ZCWPW2: variants seen among roughly 807,000 people sequenced by gnomAD.
ZCWPW2 encodes zinc finger CW-type PWWP domain protein 2.
ZCWPW2 carries 45 observed loss-of-function variants against 46.6 expected under a neutral mutation model. That is an observed-to-expected ratio of 0.96 (90% CI 0.76 to 1.24). The LOEUF is 1.24. ZCWPW2 is among the 50% of genes most tolerant of loss of function. The pLI is 0.00. For synonymous variants in ZCWPW2, 152 were observed against 137.1 expected (o/e 1.11, Z -0.76); for missense variants, 429 against 403.9 (o/e 1.06, Z -0.53).
intron 4 of ZCWPW2, among the ~76,000 whole-genome samples, chr3:28,457,776 G>GT (rs1435680874): frequency 1.3e-5 from 2 of 152,056 alleles, no homozygotes; most frequent in Non-Finnish European, 2.9e-5. Flanking sequence ...ATGAATTTCA[G>GT]TTTTGTTAAA....
intron 2 of ZCWPW2, among the ~76,000 whole-genome samples, chr3:28,395,536 G>T (rs1220159855): frequency 1.3e-5 from 2 of 152,110 alleles, no homozygotes; most frequent in African/African-American, 2.4e-5. Context: ...AATGGATAAA[G>T]AAAATGTGGC....
intron 4 of ZCWPW2, among the ~76,000 whole-genome samples, chr3:28,469,868 C>A (rs1301505606): frequency 6.6e-6 from 1 of 152,114 alleles, no homozygotes; most frequent in Non-Finnish European, 1.5e-5. Context: ...TTGGATAGAT[C>A]TTCCAGACAG....
intron 1 of ZCWPW2, among the ~76,000 whole-genome samples, chr3:28,368,311 T>A (rs1346017780): frequency 1.3e-5 from 2 of 152,126 alleles, no homozygotes; most frequent in African/African-American, 4.8e-5. Context: ...GTTTAGTGCT[T>A]CCTTCAGGAG....
chr3:28,424,068 C>G (rs565403735), intron 3 of ZCWPW2, among the ~76,000 whole-genome samples: 2 of 152,192 alleles, frequency 1.3e-5, no homozygotes, highest in South Asian at 4.1e-4. Flanking sequence ...TTGCTGCTAT[C>G]TTTCCAGAAT....
At chr3:28,501,929 T>A (rs1445757247) in intron 6 of ZCWPW2, among the ~76,000 whole-genome samples, 1 of 151,928 alleles carries the variant, frequency 6.6e-6, no homozygotes, top group African/African-American at 2.4e-5. Context: ...TTGTATTTTT[T>A]TTGTAGAGAC....
At chr3:28,367,087 A>C (rs998293907) in intron 1 of ZCWPW2, among the ~76,000 whole-genome samples, 1 of 152,004 alleles carries the variant, frequency 6.6e-6, no homozygotes, top group Admixed American at 6.6e-5. Flanking sequence ...GATCTTTTTA[A>C]AAGACCAGCT....
chr3:28,386,672 T>C (rs1315159011), intron 1 of ZCWPW2, among the ~76,000 whole-genome samples: 4 of 152,192 alleles, frequency 2.6e-5, no homozygotes, highest in South Asian at 2.1e-4. Context: ...CTTTTAAAAA[T>C]AAATAGCCTT....
intron 1 of ZCWPW2, among the ~76,000 whole-genome samples, chr3:28,389,760 C>T (rs1417219202): frequency 6.6e-6 from 1 of 152,156 alleles, no homozygotes; most frequent in East Asian, 1.9e-4. Flanking sequence ...ATTGTGGATA[C>T]TTGGCAAGTC....
At chr3:28,404,346 A>G (rs1696072445) in intron 2 of ZCWPW2, among the ~76,000 whole-genome samples, 1 of 152,178 alleles carries the variant, frequency 6.6e-6, no homozygotes, top group Non-Finnish European at 1.5e-5. Flanking sequence ...TTACTCTGCA[A>G]GAATGGCCAT....
chr3:28,457,552 C>T (rs534735079), intron 4 of ZCWPW2, among the ~76,000 whole-genome samples: 2 of 152,310 alleles, frequency 1.3e-5, no homozygotes, highest in African/African-American at 2.4e-5. Context: ...TAAACCTGTA[C>T]ACTTCTTGCA....
At chr3:28,404,071 G>A (rs889496483) in intron 2 of ZCWPW2, among the ~76,000 whole-genome samples, 4 of 151,910 alleles carry the variant, frequency 2.6e-5, no homozygotes, top group Admixed American at 6.6e-5. Flanking sequence ...CTTTTGTATG[G>A]CAAAGGAACA....
At chr3:28,473,424 G>A (rs576803706) in intron 4 of ZCWPW2, among the ~76,000 whole-genome samples, 7 of 151,726 alleles carry the variant, frequency 4.6e-5, no homozygotes, top group South Asian at 4.2e-4. Context: ...GCACTGAGCC[G>A]AAATCATGCC....
chr3:28,448,589 C>T (rs926583332), intron 4 of ZCWPW2, among the ~76,000 whole-genome samples: 3 of 151,160 alleles, frequency 2.0e-5, no homozygotes, highest in Non-Finnish European at 3.0e-5. Flanking sequence ...GTTCGAGACC[C>T]GCCTGGCCAC....
At chr3:28,520,067 T>C (rs924442082) in intron 8 of ZCWPW2, among the ~76,000 whole-genome samples, 1 of 150,792 alleles carries the variant, frequency 6.6e-6, no homozygotes, top group Non-Finnish European at 1.5e-5. Context: ...TGCAGTGGTG[T>C]GATCTCAGCT....
intron 6 of ZCWPW2, among the ~76,000 whole-genome samples, chr3:28,495,986 T>C (rs576969594): frequency 6.6e-6 from 1 of 152,216 alleles, no homozygotes; most frequent in Admixed American, 6.6e-5. Flanking sequence ...ACTACAAATA[T>C]AATTTTATAT....
intron 1 of ZCWPW2, among the ~76,000 whole-genome samples, chr3:28,385,244 A>G (rs947352251): frequency 6.6e-6 from 1 of 152,206 alleles, no homozygotes; most frequent in African/African-American, 2.4e-5. Context: ...ACAGGGGTCA[A>G]TAGCTCAAAG....
At chr3:28,460,722 G>A (rs1431750325) in intron 4 of ZCWPW2, among the ~76,000 whole-genome samples, 1 of 152,168 alleles carries the variant, frequency 6.6e-6, no homozygotes, top group Non-Finnish European at 1.5e-5. Context: ...AGTTTCTACT[G>A]AACTGCTTTA....
intron 5 of ZCWPW2, among the ~76,000 whole-genome samples, chr3:28,485,113 C>T (rs1488215711): frequency 6.6e-6 from 1 of 150,882 alleles, no homozygotes; most frequent in Non-Finnish European, 1.5e-5. Context: ...TCATTGAGTT[C>T]AAAATATTTT....
chr3:28,387,906 C>T (rs763184796), intron 1 of ZCWPW2, among the ~76,000 whole-genome samples: 1 of 152,126 alleles, frequency 6.6e-6, no homozygotes. Context: ...CACTTACCTT[C>T]TTCATTAGTC....
Sources: gnomAD v4.1 joint callset for allele counts (sites outside exome capture counted in the v4.1 genomes callset) on GRCh38, gnomAD v4.1.1 for gene constraint, MANE v1.5 for transcripts, NCBI Gene and HGNC (gene_info 2026-07-23, HGNC 2026-07-21) for gene names.